The following KCTD2 variants were observed in gnomAD, a reference collection of about 807,000 sequenced individuals.
KCTD2 encodes BTB/POZ domain-containing protein KCTD2.
In KCTD2, 18 loss-of-function variants were observed where a neutral mutation model predicts 27.9. The observed-to-expected ratio is 0.64, with a 90% CI of 0.45 to 0.96. KCTD2 has a LOEUF of 0.96. Ranked by LOEUF, KCTD2 falls within the 40% of genes least tolerant of loss-of-function variation. KCTD2 has a pLI of 0.00. For synonymous variants in KCTD2, 175 were observed against 148.4 expected, an observed-to-expected ratio of 1.18 and a Z score of -1.30; for missense variants, 280 against 348.0, an observed-to-expected ratio of 0.80 and a Z score of 1.56.
In KCTD2 at chr17:75,063,162, G is replaced by GC. The variant is rs2073422028; in HGVS notation, c.*120dup. On this transcript the variant is annotated 3_prime_UTR_variant, in exon 6 of 6. Coordinates refer to ENST00000322444, the MANE Select transcript of KCTD2 (RefSeq NM_015353.3). The stretch of plus-strand genomic sequence containing the variant: ...CCACTGCAAAGCACAGCTGATCCTG[G>GC]CCCCCTGTGAAGAAGTGTTCTGGTC... 4.0e-6 allele frequency: 4 copies of GC among 1,003,308 alleles called. No individual in the cohort carries two copies. Among genetic ancestry groups the GC allele is most frequent in the Non-Finnish European group, 3.1e-6 (2 of 639,574 alleles). The allele number at this position is 1,003,308 out of a possible 1,614,324, so 62.2% of individuals were successfully genotyped here. A position where few individuals can be genotyped will look rare whatever the true frequency, so the allele number is the denominator to read the frequency against.
chr17:75,059,736 C>A, intron 4 of KCTD2, 131 bp downstream of exon 4: 1 of 672,464 alleles, frequency 1.5e-6, no homozygotes, highest in Non-Finnish European at 2.5e-6. Flanking sequence ...TATTCCAAAA[C>A]ATGGGCAAAG....
intron 3 of KCTD2, among the ~76,000 whole-genome samples, chr17:75,038,017 C>A (rs1222033113): frequency 1.3e-5 from 2 of 151,990 alleles, no homozygotes; most frequent in Non-Finnish European, 2.9e-5. Context: ...CCACTGCACT[C>A]CAGCCTGGGC....
intron 2 of KCTD2, among the ~76,000 whole-genome samples, chr17:75,051,197 C>T (rs1567991449): frequency 6.6e-6 from 1 of 151,058 alleles, no homozygotes; most frequent in Non-Finnish European, 1.5e-5. Context: ...ATGGTCTCAT[C>T]TCGATCTCCT....
At chr17:75,041,876 A>G in intron 3 of KCTD2, 1 of 246,808 alleles carries the variant, frequency 4.1e-6, no homozygotes, top group East Asian at 8.5e-5. Flanking sequence ...GGAGCGGGGG[A>G]CCACCAGGTT....
In KCTD2 at chr17:75,059,577, C is replaced by T. The variant is rs1425758101; in HGVS notation, c.608C>T (p.Thr203Met). 6.2e-7 allele frequency: 1 copy of T among 1,613,894 alleles called. No individual in the cohort carries two copies. The highest frequency in any genetic ancestry group is 8.5e-7 in the Non-Finnish European group (1 of 1,179,920). ...QEEELTQMVS[T>M]MSDGWKFEQL... ...GAAGAGCTCACGCAGATGGTGTCCACGATGTCCGACGGCTGGAAATTCGAA... is the reference window on the plus strand; with the variant it reads ...GAAGAGCTCACGCAGATGGTGTCCATGATGTCCGACGGCTGGAAATTCGAA... The change falls in exon 4 of 6, where the codon ACG (threonine) becomes ATG (methionine). Residue 203 changes from threonine to methionine, a missense_variant. Coordinates refer to ENST00000322444, the MANE Select transcript of KCTD2 (RefSeq NM_015353.3).
chr17:75,054,868 G>A (rs556051085), intron 3 of KCTD2, among the ~76,000 whole-genome samples: 7 of 151,692 alleles, frequency 4.6e-5, no homozygotes, highest in Admixed American at 1.3e-4. Flanking sequence ...TCTTTCATGC[G>A]ATTAGACTGT....
intron 3 of KCTD2, chr17:75,039,059 T>A: frequency 6.2e-7 from 1 of 1,613,936 alleles, no homozygotes; most frequent in Non-Finnish European, 8.5e-7. Context: ...CTTCATCTTC[T>A]CCATCTGGAA....
chr17:75,050,585 G>A (rs2073274135), intron 2 of KCTD2, among the ~76,000 whole-genome samples: 1 of 152,120 alleles, frequency 6.6e-6, no homozygotes, highest in African/African-American at 2.4e-5. Flanking sequence ...ATATAGGCAT[G>A]CAGTGTGAAA....
intron 2 of KCTD2, among the ~76,000 whole-genome samples, chr17:75,050,120 C>T (rs535184744): frequency 4.5e-4 from 68 of 152,264 alleles, no homozygotes; most frequent in African/African-American, 1.4e-3. Context: ...ATATTTCAAA[C>T]GCATACAGAA....
At chr17:75,051,204 T>G (rs2073281635) in intron 2 of KCTD2, among the ~76,000 whole-genome samples, 1 of 150,032 alleles carries the variant, frequency 6.7e-6, no homozygotes, top group Non-Finnish European at 1.5e-5. Flanking sequence ...CATCTCGATC[T>G]CCTGACCTTG....
chr17:75,039,008 T>C, intron 3 of KCTD2: 1 of 1,614,166 alleles, frequency 6.2e-7, no homozygotes. Flanking sequence ...GAAAGCTTCA[T>C]TCAAGTCCTC....
At chr17:75,041,899 G>C (rs2144912474) in intron 3 of KCTD2, 2 of 280,388 alleles carry the variant, frequency 7.1e-6, no homozygotes, top group African/African-American at 2.2e-5. Flanking sequence ...CTAAGAAGGG[G>C]TGAACCGGCC....
At chr17:75,033,208 A>T (rs529520107) in intron 1 of KCTD2, 3 of 152,036 alleles carry the variant, frequency 2.0e-5, no homozygotes, top group African/African-American at 4.8e-5. Flanking sequence ...GGCTCAAGCA[A>T]TCCCCCCACC....
intron 1 of KCTD2, among the ~76,000 whole-genome samples, chr17:75,048,361 T>A (rs140531818): frequency 6.6e-6 from 1 of 152,280 alleles, no homozygotes; most frequent in East Asian, 1.9e-4. Flanking sequence ...CTTTAAGTTC[T>A]CAACTTAAAG....
upstream of KCTD2, chr17:75,042,751 G>T: frequency 7.8e-7 from 1 of 1,280,020 alleles, no homozygotes; most frequent in Non-Finnish European, 1.1e-6. Context: ...AGCTCTTAGA[G>T]AGAATCCTTT....
intron 3 of KCTD2, chr17:75,040,729 TACAAAAATTAGC>T (rs1244451733): frequency 6.6e-6 from 1 of 152,198 alleles, no homozygotes; most frequent in African/African-American, 2.4e-5. Flanking sequence ...CTACTAAAAA[TACAAAAATTAGC>T]TGTGCAAGGT....
chr17:75,041,905 C>A, intron 3 of KCTD2: 1 of 289,092 alleles, frequency 3.5e-6, no homozygotes, highest in Non-Finnish European at 6.4e-6. Flanking sequence ...AGGGGTGAAC[C>A]GGCCCAGGTC....
chr17:75,040,237 C>T, intron 3 of KCTD2: 3 of 1,565,014 alleles, frequency 1.9e-6, no homozygotes, highest in Non-Finnish European at 2.6e-6. Flanking sequence ...GTCGCCAATA[C>T]ACCCAGGAGC....
At chr17:75,046,693 T>A (rs1462073846), upstream of KCTD2, among the ~76,000 whole-genome samples, 1 of 152,162 alleles carries the variant, frequency 6.6e-6, no homozygotes, top group East Asian at 1.9e-4. Flanking sequence ...AGCGCCTACA[T>A]CAGCGGCGCC....
Sources: gnomAD v4.1 joint callset for allele counts (sites outside exome capture counted in the v4.1 genomes callset) on GRCh38, gnomAD v4.1.1 for gene constraint, MANE v1.5 for transcripts, NCBI Gene and HGNC (gene_info 2026-07-23, HGNC 2026-07-21) for gene names.